B3GNT2: variants seen among roughly 807,000 people sequenced by gnomAD.
B3GNT2 encodes N-acetyllactosaminide beta-1,3-N-acetylglucosaminyltransferase 2.
B3GNT2 carries 12 observed loss-of-function variants against 27.6 expected under a neutral mutation model. That is an observed-to-expected ratio of 0.44 (90% confidence interval 0.28 to 0.71). B3GNT2 has a LOEUF of 0.71. Among genes scored for constraint, B3GNT2 ranks in the 30% least tolerant of loss-of-function variants. The probability of loss-of-function intolerance (pLI) is 0.17; values close to 1 mark genes in which losing one functional copy is unlikely to be tolerated. For synonymous variants in B3GNT2, 192 were observed against 189.7 expected (o/e 1.01, Z -0.10); for missense variants, 413 against 488.5 (o/e 0.85, Z 1.46).
chr2:62,198,499 G>C (rs903535909), intron 1 of B3GNT2, among the ~76,000 whole-genome samples: 7 of 152,208 alleles, frequency 4.6e-5, no homozygotes, highest in Non-Finnish European at 7.3e-5. Flanking sequence ...TAGCCTTTTA[G>C]ATTTCCCTGT....
intron 1 of B3GNT2, among the ~76,000 whole-genome samples, chr2:62,219,312 A>G (rs1573271056): frequency 6.6e-6 from 1 of 152,260 alleles, no homozygotes; most frequent in African/African-American, 2.4e-5. Context: ...TAAGCTGTTC[A>G]TAGTATGTGC....
At position 62,223,748 on chromosome 2, in the gene B3GNT2, C is replaced by T. The variant is rs11897899; in HGVS notation, c.*334C>T. ...TTGTTTGCCCTCTTCTATAATATTC[C>T]TACTTCCCATAATAATGACTGATTT... On this transcript the variant is annotated 3_prime_UTR_variant, in exon 2 of 2. Transcript: ENST00000301998. 829 of 211,044 alleles carry T rather than the reference C, an allele frequency of 3.9e-3. 9 individuals are homozygous for T. Among genetic ancestry groups the T allele is most frequent in the African/African-American group, 0.018 (766 of 42,814 alleles). The allele number at this position is 211,044 out of a possible 1,614,324, so 13.1% of individuals were successfully genotyped here.
intron 1 of B3GNT2, among the ~76,000 whole-genome samples, chr2:62,217,873 T>C (rs1674605568): frequency 1.3e-5 from 2 of 152,266 alleles, no homozygotes; most frequent in South Asian, 4.1e-4. Context: ...TTCTCTGTTA[T>C]ACTGTCTTTC....
intron 1 of B3GNT2, among the ~76,000 whole-genome samples, chr2:62,207,652 G>A (rs1261179364): frequency 1.3e-5 from 2 of 152,300 alleles, no homozygotes; most frequent in South Asian, 4.1e-4. Context: ...CTCGTAAGGA[G>A]CATGCAACCT....
intron 1 of B3GNT2, among the ~76,000 whole-genome samples, chr2:62,200,859 C>T (rs1674253587): frequency 1.3e-5 from 2 of 152,306 alleles, no homozygotes; most frequent in Admixed American, 1.3e-4. Context: ...GGCTTGAATT[C>T]TATTTTTACC....
chr2:62,199,986 G>A (rs1009622442), intron 1 of B3GNT2, among the ~76,000 whole-genome samples: 1 of 152,210 alleles, frequency 6.6e-6, no homozygotes, highest in African/African-American at 2.4e-5. Flanking sequence ...ACTTGATGGA[G>A]AATTTATTAT....
chr2:62,216,618 G>A (rs1674579838), intron 1 of B3GNT2, among the ~76,000 whole-genome samples: 1 of 151,896 alleles, frequency 6.6e-6, no homozygotes, highest in Admixed American at 6.6e-5. Context: ...TGCCCAGGTT[G>A]GTCTCGAACT....
chr2:62,196,199 G>C lies in B3GNT2; in HGVS notation c.-166G>C. 1 of 150,828 alleles carries C rather than the reference G, an allele frequency of 6.6e-6. No individual in the cohort carries two copies. The highest frequency in any genetic ancestry group is 1.5e-5 in the Non-Finnish European group (1 of 67,942). 9.3% of individuals were successfully genotyped at this position (150,828 alleles called of 1,614,324 possible). A position where few individuals can be genotyped will look rare whatever the true frequency, so the allele number is the denominator to read the frequency against. The stretch of plus-strand genomic sequence containing the variant: ...GAGCCAAGCCGGAGCAGTCCCTGCC[G>C]CCGACACCGCCGGGCCGCCCGTCCG... On this transcript the variant is annotated 5_prime_UTR_variant, in exon 1 of 2. Coordinates refer to ENST00000301998, the MANE Select transcript of B3GNT2 (RefSeq NM_006577.6).
At chr2:62,207,191 T>G (rs1399370509) in intron 1 of B3GNT2, among the ~76,000 whole-genome samples, 1 of 152,160 alleles carries the variant, frequency 6.6e-6, no homozygotes, top group African/African-American at 2.4e-5. Context: ...GTTTTGTTTT[T>G]TTTTTTAAGA....
chr2:62,213,109 A>C (rs940543034), intron 1 of B3GNT2, among the ~76,000 whole-genome samples: 3 of 152,176 alleles, frequency 2.0e-5, no homozygotes, highest in Admixed American at 6.5e-5. Flanking sequence ...TTCTAAAATG[A>C]CTGTCAGCTG....
At chr2:62,198,931 G>A (rs925241880) in intron 1 of B3GNT2, among the ~76,000 whole-genome samples, 1 of 152,094 alleles carries the variant, frequency 6.6e-6, no homozygotes, top group Non-Finnish European at 1.5e-5. Flanking sequence ...TTGAAACTTA[G>A]CTTTAAATGT....
chr2:62,210,888 A>G (rs1386166279), intron 1 of B3GNT2, among the ~76,000 whole-genome samples: 1 of 152,200 alleles, frequency 6.6e-6, no homozygotes, highest in Non-Finnish European at 1.5e-5. Flanking sequence ...TGGGAGGTTA[A>G]GGGTGAGAGT....
intron 1 of B3GNT2, among the ~76,000 whole-genome samples, chr2:62,204,930 A>G (rs1347146471): frequency 6.6e-6 from 1 of 152,138 alleles, no homozygotes; most frequent in Non-Finnish European, 1.5e-5. Flanking sequence ...TACCCCACTC[A>G]CGACTAGGGG....
At chr2:62,214,998 G>A (rs10496094) in intron 1 of B3GNT2, among the ~76,000 whole-genome samples, 41,056 of 151,990 alleles carry the variant, frequency 0.27, 8,468 homozygotes, top group African/African-American at 0.58. Context: ...TTTCCTCAAA[G>A]GTTCTGTATG....
intron 1 of B3GNT2, among the ~76,000 whole-genome samples, chr2:62,196,567 C>T (rs1674147246): frequency 6.6e-6 from 1 of 152,252 alleles, no homozygotes; most frequent in South Asian, 2.1e-4. Flanking sequence ...GCATTTAAGC[C>T]TCCCTTACCT....
chr2:62,199,974 T>C (rs1674234764), intron 1 of B3GNT2, among the ~76,000 whole-genome samples: 1 of 152,110 alleles, frequency 6.6e-6, no homozygotes, highest in African/African-American at 2.4e-5. Context: ...CTGGAACCTG[T>C]TACTTGATGG....
intron 1 of B3GNT2, among the ~76,000 whole-genome samples, chr2:62,210,794 G>A (rs1165704707): frequency 6.6e-6 from 1 of 151,940 alleles, no homozygotes; most frequent in Non-Finnish European, 1.5e-5. Flanking sequence ...AATAATAGGA[G>A]TACAGTATTC....
intron 1 of B3GNT2, among the ~76,000 whole-genome samples, chr2:62,199,881 G>A (rs527525761): frequency 1.3e-5 from 2 of 152,296 alleles, no homozygotes; most frequent in South Asian, 4.2e-4. Flanking sequence ...TGAATAAGAG[G>A]TGTATGTATG....
At chr2:62,206,154 G>T (rs1215317686) in intron 1 of B3GNT2, among the ~76,000 whole-genome samples, 1 of 152,098 alleles carries the variant, frequency 6.6e-6, no homozygotes, top group African/African-American at 2.4e-5. Context: ...AGAGGCCTCC[G>T]GGATGGGGTT....
Sources: allele counts gnomAD v4.1 joint callset (sites outside exome capture counted in the v4.1 genomes callset), GRCh38; gene constraint gnomAD v4.1.1; transcripts MANE v1.5; gene names NCBI Gene and HGNC (gene_info 2026-07-23, HGNC 2026-07-21).